The following CLIP1 variants were observed in gnomAD, a reference collection of about 807,000 sequenced individuals.
CLIP1 encodes the protein CAP-Gly domain containing linker protein 1.
CLIP1 carries 66 observed loss-of-function variants against 161.6 expected under a neutral mutation model. That is an observed-to-expected ratio of 0.41 (90% CI 0.33 to 0.50). The LOEUF (loss-of-function observed/expected upper bound fraction) is 0.50, where lower values mean the gene tolerates loss of function less well. CLIP1 is among the 20% of genes least tolerant of loss of function. The pLI is 0.27. For synonymous variants in CLIP1, 598 were observed against 626.2 expected, an observed-to-expected ratio of 0.96 and a Z score of 0.67; for missense variants, 1,376 against 1,702.0, an observed-to-expected ratio of 0.81 and a Z score of 3.37.
intron 1 of CLIP1, among the ~76,000 whole-genome samples, chr12:122,389,077 C>T (rs533936085): frequency 1.3e-5 from 2 of 152,282 alleles, no homozygotes; most frequent in South Asian, 4.1e-4. Context: ...TCTTCAGGTG[C>T]TGAAACTTGG....
In CLIP1 at chr12:122,377,480, G is replaced by T. The variant is rs76958530; in HGVS notation, c.566C>A (p.Thr189Lys). The T allele has an allele frequency of 6.2e-7, 1 of 1,614,116 alleles. No homozygotes were observed. The highest frequency in any genetic ancestry group is 1.1e-5 in the South Asian group (1 of 91,082). ...GGAGATAGATTCACTGGCAGTTTTT[G>T]TAAGGTTGCTGATCGGAGGCGTAGC... ...PSATPPISNL[T>K]KTASESISNL... is the part of the protein sequence containing the mutation. The change falls in exon 3 of 26, where the codon ACA (threonine) becomes AAA (lysine). Residue 189 changes from threonine to lysine, a missense_variant. By Grantham distance (78) the Thr-to-Lys change is moderately conservative (BLOSUM62 -1). Transcript: ENST00000620786.
chr12:122,361,858 T>C (rs1953838515), intron 4 of CLIP1, among the ~76,000 whole-genome samples: 1 of 152,152 alleles, frequency 6.6e-6, no homozygotes, highest in African/African-American at 2.4e-5. Flanking sequence ...ACTCAAGTGA[T>C]GGGCGCACCA....
rs1330637125 is a variant in CLIP1, at chr12:122,311,136, A to G, written c.3474-1254T>C. Among the ~76,000 whole-genome samples the G allele has an allele frequency of 6.6e-6, 1 of 152,156 alleles. No homozygotes were observed. Among genetic ancestry groups the G allele is most frequent in the African/African-American group, 2.4e-5 (1 of 41,434 alleles). On this transcript the variant is annotated intron_variant, in intron 19 of 25. Transcript: ENST00000620786. The surrounding 1 kb of genome is among the most constrained non-coding windows in gnomAD (Gnocchi z 4.3). ...TATGTATATACATGCACATACACAC[A>G]TATCACAGTGAAAGTTCATCTGTCC... is the stretch of plus-strand genomic sequence containing the variant.
At chr12:122,329,867 C>T (rs896458833) in intron 15 of CLIP1, among the ~76,000 whole-genome samples, 1 of 152,154 alleles carries the variant, frequency 6.6e-6, no homozygotes, top group African/African-American at 2.4e-5. Flanking sequence ...CCTGTAATCC[C>T]TGCACTTTGG....
At chr12:122,401,327 C>T (rs1363217829) in intron 1 of CLIP1, among the ~76,000 whole-genome samples, 2 of 152,110 alleles carry the variant, frequency 1.3e-5, no homozygotes, top group Non-Finnish European at 2.9e-5. Context: ...AGTTCAATAC[C>T]AGCCTGGGAA....
At chr12:122,329,760 A>G (rs1951861781) in intron 15 of CLIP1, among the ~76,000 whole-genome samples, 1 of 152,182 alleles carries the variant, frequency 6.6e-6, no homozygotes, top group African/African-American at 2.4e-5. Flanking sequence ...AGATACAAAA[A>G]TGACAATAAA....
At chr12:122,351,209 T>C in intron 8 of CLIP1, 66 bp from the exon 9 acceptor site, 1 of 950,078 alleles carries the variant, frequency 1.1e-6, no homozygotes, top group Admixed American at 2.9e-5. Flanking sequence ...AGCTTCAATA[T>C]GTGTTAGGGT....
chr12:122,361,414 C>T (rs1671957203), intron 4 of CLIP1, among the ~76,000 whole-genome samples: 1 of 152,178 alleles, frequency 6.6e-6, no homozygotes, highest in South Asian at 2.1e-4. Context: ...GAATTGCTCA[C>T]CTGTTGCTGA....
At chr12:122,415,938 C>G (rs947805068) in intron 1 of CLIP1, among the ~76,000 whole-genome samples, 2 of 152,036 alleles carry the variant, frequency 1.3e-5, no homozygotes, top group African/African-American at 2.4e-5. Flanking sequence ...TCAGGCCTCC[C>G]AAAGTTAAGC....
chr12:122,373,145 C>T (rs979710778), intron 3 of CLIP1, among the ~76,000 whole-genome samples: 1 of 152,132 alleles, frequency 6.6e-6, no homozygotes, highest in African/African-American at 2.4e-5. Flanking sequence ...TTAATAAGGG[C>T]CGGGCGTGGT....
At chr12:122,415,464 A>G (rs1210695632) in intron 1 of CLIP1, among the ~76,000 whole-genome samples, 1 of 147,578 alleles carries the variant, frequency 6.8e-6, no homozygotes, top group Non-Finnish European at 1.5e-5. Context: ...CCTGGGCGAC[A>G]GAGTGAGACT....
chr12:122,401,773 A>T (rs1956151775), intron 1 of CLIP1, among the ~76,000 whole-genome samples: 1 of 151,884 alleles, frequency 6.6e-6, no homozygotes, highest in Non-Finnish European at 1.5e-5. Flanking sequence ...CCAAGGCGGG[A>T]GGATGACCTG....
At chr12:122,414,614 G>A (rs980176849) in intron 1 of CLIP1, among the ~76,000 whole-genome samples, 1 of 152,002 alleles carries the variant, frequency 6.6e-6, no homozygotes, top group African/African-American at 2.4e-5. Flanking sequence ...ACAGGCACCT[G>A]CCACCATGCC....
At chr12:122,281,797 T>G (rs1000885039) in intron 21 of CLIP1, among the ~76,000 whole-genome samples, 5 of 152,142 alleles carry the variant, frequency 3.3e-5, no homozygotes, top group African/African-American at 2.4e-5. Context: ...TTTCCAGAGC[T>G]TCACTTGCTA....
At position 122,377,545 on chromosome 12, in the gene CLIP1, G is replaced by C; in HGVS notation, c.501C>G (p.Ile167Met). The C allele has an allele frequency of 6.2e-7, 1 of 1,614,020 alleles. No homozygotes were observed. Among genetic ancestry groups the C allele is most frequent in the Non-Finnish European group, 8.5e-7 (1 of 1,180,020 alleles). The change falls in exon 3 of 26, where the codon ATC (isoleucine) becomes ATG (methionine). Residue 167 changes from isoleucine to methionine, a missense_variant. Ile to Met is a conservative substitution (Grantham distance 10). Around this residue, in one of 6 missense-constraint regions of CLIP1, gnomAD observed 119 missense variants for 112.0 expected, o/e 1.06. Transcript: ENST00000620786. Reference protein sequence around the residue: ...VSSSPSTPSNIPQKPSQPAAK... With the variant: ...VSSSPSTPSNMPQKPSQPAAK... ...CTGCTGGCTGTGATGGTTTCTGAGG[G>C]ATGTTTGAAGGGGTGGAGGGGGAGG...
At chr12:122,387,542 C>A (rs1327032188) in intron 1 of CLIP1, among the ~76,000 whole-genome samples, 1 of 106,300 alleles carries the variant, frequency 9.4e-6, no homozygotes, top group Non-Finnish European at 1.8e-5. Context: ...GAATACATGC[C>A]TTTTCATATA....
chr12:122,406,052 G>A (rs1956316955), intron 1 of CLIP1, among the ~76,000 whole-genome samples: 1 of 152,170 alleles, frequency 6.6e-6, no homozygotes, highest in Non-Finnish European at 1.5e-5. Context: ...GGGTGACAGA[G>A]CAAGACTCCA....
chr12:122,390,285 T>TATAC (rs1281808800), intron 1 of CLIP1, among the ~76,000 whole-genome samples: 1 of 127,846 alleles, frequency 7.8e-6, no homozygotes, highest in Non-Finnish European at 1.6e-5. Flanking sequence ...TATACATATA[T>TATAC]ATATATATAT....
At chr12:122,339,249 G>GA (rs1952380574) in intron 11 of CLIP1, among the ~76,000 whole-genome samples, 1 of 152,118 alleles carries the variant, frequency 6.6e-6, no homozygotes, top group South Asian at 2.1e-4. Flanking sequence ...TTATGCCACA[G>GA]AAAAAAACTC....
Sources: allele counts gnomAD v4.1 joint callset (sites outside exome capture counted in the v4.1 genomes callset), GRCh38; gene constraint gnomAD v4.1.1; regional missense constraint gnomAD v4.1.1; non-coding constraint Gnocchi (gnomAD v3.1); transcripts MANE v1.5; gene names NCBI Gene and HGNC (gene_info 2026-07-23, HGNC 2026-07-21).